Variants in UNC5D observed in about 807,000 individuals in gnomAD.
The protein encoded by UNC5D is unc-5 netrin receptor D.
A neutral mutation model predicts 105.4 loss-of-function variants in UNC5D; 39 were observed. That is an observed-to-expected ratio of 0.37 (90% CI 0.29 to 0.48). The LOEUF (loss-of-function observed/expected upper bound fraction) is 0.48. Ranked by LOEUF, UNC5D falls within the 20% of genes least tolerant of loss-of-function variation. The pLI, the probability that UNC5D is intolerant of heterozygous loss-of-function variation, is 0.98. For missense variants in UNC5D, 991 were observed against 1,202.4 expected (o/e 0.82, Z 2.60); for synonymous variants, 452 against 450.4 (o/e 1.00, Z -0.04).
chr8:35,470,807 T>TA (rs11402474), intron 1 of UNC5D, among the ~76,000 whole-genome samples: 75,871 of 129,182 alleles, frequency 0.59, 22,680 homozygotes, highest in Non-Finnish European at 0.66. Context: ...AATAAATAAA[T>TA]AAATAAAATA....
At chr8:35,573,600 G>A (rs532962826) in intron 3 of UNC5D, among the ~76,000 whole-genome samples, 9 of 152,210 alleles carry the variant, frequency 5.9e-5, no homozygotes, top group Middle Eastern at 3.4e-3. Context: ...CTGTTACGTG[G>A]GAGTTTAAAA....
intron 15 of UNC5D, among the ~76,000 whole-genome samples, chr8:35,771,319 T>C (rs2131728814): frequency 6.6e-6 from 1 of 152,310 alleles, no homozygotes; most frequent in African/African-American, 2.4e-5. Context: ...ATTCTTTCCC[T>C]TGGGATCCTT....
At chr8:35,512,485 TA>T (rs1812790096) in intron 1 of UNC5D, among the ~76,000 whole-genome samples, 10 of 113,634 alleles carry the variant, frequency 8.8e-5, no homozygotes, top group African/African-American at 3.6e-4. Context: ...TATATATATA[TA>T]TATATATATA....
intron 9 of UNC5D, chr8:35,724,009 G>A (rs759438689): frequency 1.9e-4 from 116 of 603,294 alleles, no homozygotes; most frequent in Non-Finnish European, 2.3e-4. Context: ...TATGGAAAGC[G>A]CTCACAAATG....
chr8:35,298,743 A>G (rs1807696252), intron 1 of UNC5D, among the ~76,000 whole-genome samples: 1 of 152,174 alleles, frequency 6.6e-6, no homozygotes, highest in Non-Finnish European at 1.5e-5. Context: ...AAAATTCCAC[A>G]TAATGTGAAG....
At chr8:35,365,887 G>C (rs539362018) in intron 1 of UNC5D, among the ~76,000 whole-genome samples, 2 of 152,138 alleles carry the variant, frequency 1.3e-5, no homozygotes, top group Admixed American at 6.6e-5. Context: ...GACTTGAAAG[G>C]TTTCACCTGT....
At chr8:35,338,494 C>T (rs1030745731) in intron 1 of UNC5D, among the ~76,000 whole-genome samples, 5 of 151,926 alleles carry the variant, frequency 3.3e-5, no homozygotes, top group African/African-American at 1.2e-4. Flanking sequence ...TGAGAACCAG[C>T]TCATCTGAGC....
chr8:35,399,882 T>G (rs1284210580), intron 1 of UNC5D, among the ~76,000 whole-genome samples: 1 of 152,150 alleles, frequency 6.6e-6, no homozygotes, highest in Non-Finnish European at 1.5e-5. Flanking sequence ...TTTGACACAA[T>G]GGGACCTGAA....
chr8:35,443,239 A>G (rs1807556079), intron 1 of UNC5D, among the ~76,000 whole-genome samples: 1 of 151,836 alleles, frequency 6.6e-6, no homozygotes, highest in South Asian at 2.1e-4. Context: ...TAAAATGTGT[A>G]CCTACTGTGT....
intron 2 of UNC5D, among the ~76,000 whole-genome samples, chr8:35,554,364 A>G (rs1036712861): frequency 3.3e-5 from 5 of 152,190 alleles, no homozygotes; most frequent in Admixed American, 3.3e-4. Context: ...CCTCTTAGTA[A>G]TGTACACTTG....
chr8:35,785,783 G>A (rs1179426913), intron 16 of UNC5D, among the ~76,000 whole-genome samples: 1 of 152,142 alleles, frequency 6.6e-6, no homozygotes, highest in Admixed American at 6.6e-5. Context: ...ACTTTTAATA[G>A]CAGTCTTGCA....
chr8:35,399,262 A>G (rs980336915), intron 1 of UNC5D, among the ~76,000 whole-genome samples: 2 of 151,750 alleles, frequency 1.3e-5, no homozygotes, highest in African/African-American at 4.8e-5. Context: ...GATTTCTAGG[A>G]GCAAACCAAT....
intron 1 of UNC5D, among the ~76,000 whole-genome samples, chr8:35,543,691 G>A (rs1288660370): frequency 2.0e-5 from 3 of 152,062 alleles, no homozygotes; most frequent in African/African-American, 4.8e-5. Context: ...AGGATGTCTA[G>A]TCAGTTAAAT....
intron 1 of UNC5D, among the ~76,000 whole-genome samples, chr8:35,336,142 A>G (rs572473744): frequency 6.6e-6 from 1 of 152,274 alleles, no homozygotes; most frequent in South Asian, 2.1e-4. Flanking sequence ...GAGTTAGTAA[A>G]TATCTATGTA....
At chr8:35,428,360 T>TC (rs1806388357) in intron 1 of UNC5D, among the ~76,000 whole-genome samples, 4 of 148,940 alleles carry the variant, frequency 2.7e-5, no homozygotes, top group Admixed American at 2.7e-4. Context: ...TTTTTTTTTT[T>TC]TTTTTTTTTG....
chr8:35,248,991 TTA>T (rs1343253593), intron 1 of UNC5D, among the ~76,000 whole-genome samples: 37 of 89,746 alleles, frequency 4.1e-4, no homozygotes, highest in African/African-American at 1.4e-3. Context: ...ATATAATATA[TTA>T]TATATAAACA....
At position 35,496,594 on chromosome 8, in the gene UNC5D, T is replaced by G. The variant is rs561494628; in HGVS notation, c.104-52698T>G. 8.5e-5 allele frequency among the ~76,000 whole-genome samples: 13 copies of G among 152,256 alleles called. No homozygotes were observed. In the East Asian group the frequency reaches 1.4e-3, roughly 16 times the overall value. ...AGGAGAGAAGGAAGGGAGTCACGCG[T>G]CACTCCTACTTATGTAATTTTTAAA... On this transcript the variant is annotated intron_variant, in intron 1 of 16. Coordinates refer to ENST00000404895, the MANE Select transcript of UNC5D (RefSeq NM_080872.4).
At chr8:35,722,672 T>G (rs1316089640) in intron 9 of UNC5D, among the ~76,000 whole-genome samples, 1 of 152,240 alleles carries the variant, frequency 6.6e-6, no homozygotes, top group Non-Finnish European at 1.5e-5. Context: ...GTTATTTTAT[T>G]TCAAATTATC....
chr8:35,749,101 T>A (rs1830139206), intron 12 of UNC5D, among the ~76,000 whole-genome samples: 1 of 152,180 alleles, frequency 6.6e-6, no homozygotes, highest in Admixed American at 6.5e-5. Flanking sequence ...GTCTGTTTTT[T>A]TCCATCCTGG....
Sources: allele counts gnomAD v4.1 joint callset (sites outside exome capture counted in the v4.1 genomes callset), GRCh38; gene constraint gnomAD v4.1.1; transcripts MANE v1.5; gene names NCBI Gene and HGNC (gene_info 2026-07-23, HGNC 2026-07-21).